SUPT7L: variants seen among roughly 807,000 people sequenced by gnomAD.
The protein encoded by SUPT7L is SPT7 like, STAGA complex subunit gamma, also known as STAGA complex 65 subunit gamma.
Under a neutral mutation model 35.7 loss-of-function variants are expected in SUPT7L, and 15 were observed. That is an observed-to-expected ratio of 0.42 (90% CI 0.28 to 0.65). The LOEUF (loss-of-function observed/expected upper bound fraction) is 0.65, where lower values mean the gene tolerates loss of function less well. Among genes scored for constraint, SUPT7L ranks in the 30% least tolerant of loss-of-function variants. The pLI is 0.23. For missense variants in SUPT7L, 434 were observed against 522.2 expected (o/e 0.83, Z 1.65); for synonymous variants, 168 against 186.2 (o/e 0.90, Z 0.79).
chr2:27,663,183 C>G (rs1675204263), intron 1 of SUPT7L, 146 bp downstream of exon 1: 1 of 155,828 alleles, frequency 6.4e-6, no homozygotes, highest in Admixed American at 6.2e-5. Flanking sequence ...AGTGTCTTGC[C>G]CAATGTCACA....
chr2:27,648,060 A>C (rs1674327079), downstream of SUPT7L: 3 of 653,088 alleles, frequency 4.6e-6, no homozygotes, highest in Non-Finnish European at 5.6e-6. Flanking sequence ...AGGATACAGC[A>C]CCAGAAAAGA....
At position 27,657,769 on chromosome 2, in the gene SUPT7L, T is replaced by A; in HGVS notation, c.420-100A>T. The A allele has an allele frequency of 8.5e-7, 1 of 1,176,484 alleles. No homozygotes were observed. Among genetic ancestry groups the A allele is most frequent in the Non-Finnish European group, 1.2e-6 (1 of 851,174 alleles). 72.9% of individuals were successfully genotyped at this position (1,176,484 alleles called of 1,614,324 possible). A position where few individuals can be genotyped will look rare whatever the true frequency, so the allele number is the denominator to read the frequency against. ...TACAATTCCAGTCAAGCCACTGGCCTAGCTTTCCAGGGAAATTCCATCCAA... is the reference window on the plus strand; with the variant it reads ...TACAATTCCAGTCAAGCCACTGGCCAAGCTTTCCAGGGAAATTCCATCCAA... On this transcript the variant is annotated intron_variant, in intron 3 of 5. Transcript: ENST00000337768. The surrounding 1 kb of genome is among the most constrained non-coding windows in gnomAD (Gnocchi z 5.2).
downstream of SUPT7L, chr2:27,650,077 GAA>G (rs1558494562): frequency 9.0e-7 from 1 of 1,113,154 alleles, no homozygotes; most frequent in East Asian, 2.3e-5. Flanking sequence ...TTTGTCTAAT[GAA>G]AGAGTTGAAA....
downstream of SUPT7L, among the ~76,000 whole-genome samples, chr2:27,649,216 G>T (rs148360965): frequency 6.6e-6 from 1 of 151,448 alleles, no homozygotes; most frequent in East Asian, 2.0e-4. Flanking sequence ...TTGCACTCAG[G>T]CCTCGGTAAC....
intron 4 of SUPT7L, among the ~76,000 whole-genome samples, chr2:27,655,831 A>G (rs920778827): frequency 6.6e-6 from 1 of 152,230 alleles, no homozygotes; most frequent in African/African-American, 2.4e-5. Context: ...ATTAAAAGTT[A>G]CATAAAGGTA....
chr2:27,647,593 A>C (rs1674299100), downstream of SUPT7L, among the ~76,000 whole-genome samples: 3 of 152,200 alleles, frequency 2.0e-5, no homozygotes, highest in African/African-American at 7.2e-5. Flanking sequence ...AGCTTCTTGA[A>C]AATTATTTCC....
At chr2:27,650,011 A>C, downstream of SUPT7L, 4 of 683,514 alleles carry the variant, frequency 5.9e-6, no homozygotes, top group Non-Finnish European at 1.1e-5. Flanking sequence ...TGAGTACTTA[A>C]GTTTCTTAGA....
chr2:27,655,297 CAA>C, intron 5 of SUPT7L, 66 bp downstream of exon 5: 2 of 1,450,352 alleles, frequency 1.4e-6, no homozygotes, highest in Non-Finnish European at 1.9e-6. Flanking sequence ...AGCTTGATTC[CAA>C]AAAGCAAAAA....
At position 27,657,624 on chromosome 2, in the gene SUPT7L, C is replaced by A. The variant is rs368948442; in HGVS notation, c.465G>T (p.Arg155=). 213 of 1,614,002 alleles carry A rather than the reference C, an allele frequency of 1.3e-4. No homozygotes were observed. Among genetic ancestry groups the A allele is most frequent in the Non-Finnish European group, 1.7e-4 (202 of 1,179,972 alleles). ...PVTELSWHSC[R]QLLYQAVATI... is the part of the protein sequence containing the mutation. ...TGGCCACTGCCTGGTAGAGGAGCTG[C>A]CGACAGGAGTGCCAGCTGAGTTCAG... The change falls in exon 4 of 6, where the codon CGG becomes CGT. Residue 155 remains arginine (R), a synonymous_variant. Transcript: ENST00000337768. This position sits in a 1 kb window ranked among gnomAD's most constrained non-coding sequence, Gnocchi z 5.2.
intron 3 of SUPT7L, among the ~76,000 whole-genome samples, chr2:27,658,858 A>C (rs1674918177): frequency 6.6e-6 from 1 of 152,224 alleles, no homozygotes; most frequent in African/African-American, 2.4e-5. Flanking sequence ...ACTTTCCTAG[A>C]ATAATATCTG....
In SUPT7L at chr2:27,651,519, TA is replaced by T. The variant is rs1177487535; in HGVS notation, c.*1965del. ...GTGTTTTATTATAAAGTATTAATTT[TA>T]ATGTTCTATACTTAGTGGGAACCAC... On this transcript the variant is annotated 3_prime_UTR_variant, in exon 6 of 6. Transcript: ENST00000337768. The T allele has an allele frequency of 2.6e-5, 4 of 152,322 alleles. No homozygotes were observed. Among genetic ancestry groups the T allele is most frequent in the African/African-American group, 7.2e-5 (3 of 41,476 alleles). The allele number at this position is 152,322 out of a possible 1,614,324, so 9.4% of individuals were successfully genotyped here.
At chr2:27,650,686 C>G (rs1674487055), downstream of SUPT7L, 1 of 153,524 alleles carries the variant, frequency 6.5e-6, no homozygotes, top group Admixed American at 6.5e-5. Context: ...AGAACGGTGG[C>G]AGAGTCTCCT....
downstream of SUPT7L, among the ~76,000 whole-genome samples, chr2:27,648,177 G>C (rs568537158): frequency 3.3e-5 from 5 of 152,270 alleles, no homozygotes; most frequent in South Asian, 1.0e-3. Flanking sequence ...TCCTAACTTG[G>C]TTTGAGGGAT....
At position 27,655,414 on chromosome 2, in the gene SUPT7L, G is replaced by A. The variant is rs375231443; in HGVS notation, c.933C>T (p.Ser311=). 2.5e-5 allele frequency: 41 copies of A among 1,610,526 alleles called. No homozygotes were observed. The highest frequency in any genetic ancestry group is 1.7e-4 in the Admixed American group (10 of 59,134). The change falls in exon 5 of 6, where the codon AGC becomes AGT. Residue 311 remains serine (S), a synonymous_variant. Coordinates refer to ENST00000337768, the MANE Select transcript of SUPT7L (RefSeq NM_014860.3). Reference sequence around the variant, plus strand: ...CCTCCAGGTTAGATGGGAAGCGTTCGCTCTGAGCCCCAAGCACTCCCATAG... The same window carrying A: ...CCTCCAGGTTAGATGGGAAGCGTTCACTCTGAGCCCCAAGCACTCCCATAG... ...SLPMGVLGAQ[S]ERFPSNLEVE...
Position 27,655,581 on chromosome 2 carries a change from CT to C in SUPT7L, c.765del (p.Glu256AsnfsTer18). 6.3e-7 allele frequency: 1 copy of C among 1,598,240 alleles called. No homozygotes were observed. Among genetic ancestry groups the C allele is most frequent in the Non-Finnish European group, 8.5e-7 (1 of 1,173,866 alleles). Reference protein sequence around the residue: ...YMLQISKQLSEEYERIVNPEK... With the variant: ...YMLQISKQLSXEYERIVNPEK... The stretch of plus-strand genomic sequence containing the variant: ...TCAGGATTGACAATCCTTTCATATT[CT>C]TCAGAGAGTTGCTTACTAATCTGTT... On this transcript the variant is annotated frameshift_variant, in exon 5 of 6. Transcript: ENST00000337768. LOFTEE classifies it high-confidence loss of function.
At chr2:27,648,070 A>T (rs1265455588), downstream of SUPT7L, 4 of 637,624 alleles carry the variant, frequency 6.3e-6, no homozygotes, top group Non-Finnish European at 8.5e-6. Flanking sequence ...ACCAGAAAAG[A>T]GTTTCCTATA....
chr2:27,661,433 T>C (rs1353181977), intron 2 of SUPT7L, 45 bp from the exon 3 acceptor site: 3 of 1,608,496 alleles, frequency 1.9e-6, no homozygotes, highest in African/African-American at 2.7e-5. Flanking sequence ...AGGATAAATG[T>C]AGACAATAAC....
At chr2:27,650,804 T>C (rs538177353), downstream of SUPT7L, 50 of 152,918 alleles carry the variant, frequency 3.3e-4, no homozygotes, top group African/African-American at 1.2e-3. Flanking sequence ...TGAATCAGAA[T>C]CCTGTTTCAT....
At position 27,661,354 on chromosome 2, in the gene SUPT7L, T is replaced by C. The variant is rs1038303297; in HGVS notation, c.49A>G (p.Thr17Ala). 2.5e-6 allele frequency: 4 copies of C among 1,613,942 alleles called. No individual in the cohort carries two copies. Among genetic ancestry groups the C allele is most frequent in the African/African-American group, 1.3e-5 (1 of 74,916 alleles). The change falls in exon 3 of 6, where the codon ACC (threonine) becomes GCC (alanine). Residue 17 changes from threonine (T) to alanine (A), a missense_variant. This residue lies in a region of SUPT7L where 77 missense variants were observed against 114.4 expected (regional missense o/e 0.67). Transcript: ENST00000337768. ...WGEIPISSSQ[T>A]NRSSFDLLPR... The stretch of plus-strand genomic sequence containing the variant: ...AGCAAATCGAAGGAACTTCTGTTGG[T>C]CTGGCTTGATGATATTGGTATCTCT...
Sources: gnomAD v4.1 joint callset for allele counts (sites outside exome capture counted in the v4.1 genomes callset) on GRCh38, gnomAD v4.1.1 for gene constraint, gnomAD v4.1.1 regional missense constraint, Gnocchi (gnomAD v3.1) non-coding constraint, MANE v1.5 for transcripts, NCBI Gene and HGNC (gene_info 2026-07-23, HGNC 2026-07-21) for gene names.